Variants in TNFRSF1B observed in about 807,000 individuals in gnomAD.
The protein encoded by TNFRSF1B is TNF receptor superfamily member 1B.
Under a neutral mutation model 44.6 loss-of-function variants are expected in TNFRSF1B, and 19 were observed. The ratio of observed to expected loss-of-function variants is 0.43; its 90% confidence interval spans 0.30 to 0.62. The LOEUF is 0.62. Ranked by LOEUF, TNFRSF1B falls within the 20% of genes least tolerant of loss-of-function variation. The probability of loss-of-function intolerance (pLI) is 0.16; values close to 1 mark genes in which losing one functional copy is unlikely to be tolerated. For missense variants in TNFRSF1B, 541 were observed against 619.9 expected, an observed-to-expected ratio of 0.87 and a Z score of 1.35; for synonymous variants, 252 against 261.1, an observed-to-expected ratio of 0.97 and a Z score of 0.34.
rs1329942004 is a variant in TNFRSF1B, at chr1:12,199,035, C to T, written c.901-2932C>T. Among the ~76,000 whole-genome samples, 1 of 152,140 alleles carries T rather than the reference C, an allele frequency of 6.6e-6. No homozygotes were observed. Among genetic ancestry groups the T allele is most frequent in the Non-Finnish European group, 1.5e-5 (1 of 68,032 alleles). ...GAATGAGGCTCCTCAGTACTCGGCT[C>T]TACTGGGGTCCCAGCCCAAGGAATA... On this transcript the variant is annotated intron_variant, in intron 8 of 9. Transcript: ENST00000376259. The surrounding 1 kb of genome is among the most constrained non-coding windows in gnomAD (Gnocchi z 4.0).
intron 4 of TNFRSF1B, among the ~76,000 whole-genome samples, 190 bp downstream of exon 4, chr1:12,192,113 G>C (rs1490565605): frequency 6.6e-6 from 1 of 152,190 alleles, no homozygotes; most frequent in East Asian, 1.9e-4. Flanking sequence ...CTCCCGATTA[G>C]GCACCTCTTA....
chr1:12,183,516 A>C (rs1638857720), intron 1 of TNFRSF1B, among the ~76,000 whole-genome samples: 1 of 150,870 alleles, frequency 6.6e-6, no homozygotes. Flanking sequence ...TCTATCATCC[A>C]TCTATTTATC....
chr1:12,190,730 G>A (rs547750995), intron 2 of TNFRSF1B, among the ~76,000 whole-genome samples: 1 of 152,190 alleles, frequency 6.6e-6, no homozygotes, highest in African/African-American at 2.4e-5. Flanking sequence ...GGAGGTTCAA[G>A]CATCTGGAAA....
chr1:12,186,046 G>T lies in TNFRSF1B; in HGVS notation c.79-2750G>T, dbSNP rs1194880044. 1.3e-5 allele frequency among the ~76,000 whole-genome samples: 2 copies of T among 152,202 alleles called. No homozygotes were observed. Among genetic ancestry groups the T allele is most frequent in the Admixed American group, 1.3e-4 (2 of 15,288 alleles). ...TGGAATTTGTTACAGGAAGCACCAG[G>T]CCATTCCAGGCATAGAAATCAGCTG... On this transcript the variant is annotated intron_variant, in intron 1 of 9. Transcript: ENST00000376259. The surrounding 1 kb of genome is among the most constrained non-coding windows in gnomAD (Gnocchi z 4.8).
Position 12,194,108 on chromosome 1 carries a change from T to C in TNFRSF1B, c.865+76T>C, listed in dbSNP as rs2101112000. 4 of 1,207,554 alleles carry C rather than the reference T, an allele frequency of 3.3e-6. No homozygotes were observed. The South Asian group carries it at 3.7e-5, about 11-fold the overall frequency. The allele number at this position is 1,207,554 out of a possible 1,614,324, so 74.8% of individuals were successfully genotyped here. ...GGGGTGCCTCCTGTGAGTCCAGCAC[T>C]GGGCACAGCCTTAGGGGTCAGACAG... On this transcript the variant is annotated intron_variant, in intron 7 of 9. Transcript: ENST00000376259.
intron 1 of TNFRSF1B, among the ~76,000 whole-genome samples, chr1:12,174,251 C>T (rs1299577862): frequency 1.4e-5 from 2 of 145,132 alleles, no homozygotes; most frequent in African/African-American, 2.7e-5. Context: ...TCTCCTTCTC[C>T]TTCTCCTTCT....
At chr1:12,172,459 T>A (rs11809661) in intron 1 of TNFRSF1B, among the ~76,000 whole-genome samples, 2,561 of 152,346 alleles carry the variant, frequency 0.017, 55 homozygotes, top group African/African-American at 0.057. Context: ...TGGCAGCTAT[T>A]TGAGCCATTG....
chr1:12,181,399 T>C (rs1182670880), intron 1 of TNFRSF1B, among the ~76,000 whole-genome samples: 2 of 152,010 alleles, frequency 1.3e-5, no homozygotes, highest in Non-Finnish European at 2.9e-5. Context: ...TGAACCCAAG[T>C]GAGGACCTCC....
In TNFRSF1B at chr1:12,173,247, C is replaced by T. The variant is rs5745961; in HGVS notation, c.78+6078C>T. Among the ~76,000 whole-genome samples the T allele has an allele frequency of 5.7e-3, 872 of 152,224 alleles. 4 individuals are homozygous for T. Among genetic ancestry groups the T allele is most frequent in the Non-Finnish European group, 9.9e-3 (675 of 68,008 alleles). ...CTTTCCTAGAATATTGGGGAAGTGTCGGCTTTGAGTATACTTGACAAAGGC... is the reference window on the plus strand; with the variant it reads ...CTTTCCTAGAATATTGGGGAAGTGTTGGCTTTGAGTATACTTGACAAAGGC... On this transcript the variant is annotated intron_variant, in intron 1 of 9. Coordinates refer to ENST00000376259, the MANE Select transcript of TNFRSF1B (RefSeq NM_001066.3).
At position 12,177,085 on chromosome 1, in the gene TNFRSF1B, C is replaced by G. The variant is rs569497023; in HGVS notation, c.78+9916C>G. ...TGGTGTGATCTTGGCTCACTGCAAC[C>G]TCTGCCTTCTGAGTTCAAGCGATTC... On this transcript the variant is annotated intron_variant, in intron 1 of 9. Transcript: ENST00000376259. This position sits in a 1 kb window ranked among gnomAD's most constrained non-coding sequence, Gnocchi z 4.3. Among the ~76,000 whole-genome samples, 4 of 152,160 alleles carry G rather than the reference C, an allele frequency of 2.6e-5. No individual in the cohort carries two copies. The highest frequency in any genetic ancestry group is 9.7e-5 in the African/African-American group (4 of 41,424).
chr1:12,171,766 G>A lies in TNFRSF1B; in HGVS notation c.78+4597G>A, dbSNP rs776994158. Among the ~76,000 whole-genome samples the A allele has an allele frequency of 3.7e-4, 57 of 152,210 alleles. No individual in the cohort carries two copies. Among genetic ancestry groups the A allele is most frequent in the African/African-American group, 8.7e-4 (36 of 41,524 alleles). On this transcript the variant is annotated intron_variant, in intron 1 of 9. Transcript: ENST00000376259. This position sits in a 1 kb window ranked among gnomAD's most constrained non-coding sequence, Gnocchi z 4.5. The stretch of plus-strand genomic sequence containing the variant: ...GATGGCAGTAGCGCCACCCTCCCTC[G>A]TGACAAAAATATCTCCAGATATTGC...
intron 4 of TNFRSF1B, 180 bp from the exon 5 acceptor site, chr1:12,192,251 T>C: frequency 4.2e-6 from 3 of 711,994 alleles, no homozygotes; most frequent in Non-Finnish European, 2.5e-6. Flanking sequence ...CAGGAATCTG[T>C]GTGTGTGCAT....
chr1:12,192,743 C>G (rs1184470326), intron 5 of TNFRSF1B, 120 bp from the exon 6 acceptor site: 4 of 959,436 alleles, frequency 4.2e-6, no homozygotes, highest in Non-Finnish European at 6.3e-6. Flanking sequence ...AGGGGGTGGT[C>G]CTCAGAGAGG....
chr1:12,168,176 G>C lies in TNFRSF1B; in HGVS notation c.78+1007G>C, dbSNP rs5745957. On this transcript the variant is annotated intron_variant, in intron 1 of 9. Transcript: ENST00000376259. This position sits in a 1 kb window ranked among gnomAD's most constrained non-coding sequence, Gnocchi z 4.7. ...TTCGGCCCCTGTGCCCTGAGGCTGC[G>C]GGGAAGGTGGGCGTTCATCCTTCCT... Among the ~76,000 whole-genome samples the C allele has an allele frequency of 6.6e-6, 1 of 152,232 alleles. No individual in the cohort carries two copies. The highest frequency in any genetic ancestry group is 2.4e-5 in the African/African-American group (1 of 41,460).
At chr1:12,202,837 C>G (rs1430143844) in intron 9 of TNFRSF1B, among the ~76,000 whole-genome samples, 1 of 152,210 alleles carries the variant, frequency 6.6e-6, no homozygotes, top group Non-Finnish European at 1.5e-5. Context: ...AACAGAAGAG[C>G]CAGACTCACC....
At chr1:12,197,012 C>G (rs1358197422) in intron 8 of TNFRSF1B, among the ~76,000 whole-genome samples, 1 of 151,528 alleles carries the variant, frequency 6.6e-6, no homozygotes, top group Non-Finnish European at 1.5e-5. Context: ...CAGTGGCGCC[C>G]TCTTGGCTCA....
chr1:12,167,700 GGT>G (rs1262814821), intron 1 of TNFRSF1B, among the ~76,000 whole-genome samples: 4 of 152,240 alleles, frequency 2.6e-5, no homozygotes, highest in South Asian at 2.1e-4. Context: ...AGCAGGACCA[GGT>G]GTGTGTCAGG....
chr1:12,190,458 CAA>C (rs4044499), intron 2 of TNFRSF1B, among the ~76,000 whole-genome samples: 11 of 61,528 alleles, frequency 1.8e-4, no homozygotes, highest in African/African-American at 4.9e-4. Context: ...GATTCTGTCT[CAA>C]AAAAAAAAAA....
chr1:12,191,054 G>A lies in TNFRSF1B; in HGVS notation c.276G>A (p.Glu92=). Residue 92 remains glutamate (E), a synonymous_variant, in exon 3 of 10, where the codon GAG becomes GAA. Coordinates refer to ENST00000376259, the MANE Select transcript of TNFRSF1B (RefSeq NM_001066.3). ...TYTQLWNWVP[E]CLSCGSRCSS... Reference sequence around the variant, plus strand: ...CCCAGCTCTGGAACTGGGTTCCCGAGTGCTTGAGCTGTGGCTCCCGCTGTA... The same window carrying A: ...CCCAGCTCTGGAACTGGGTTCCCGAATGCTTGAGCTGTGGCTCCCGCTGTA... The A allele has an allele frequency of 1.2e-6, 2 of 1,614,202 alleles. No homozygotes were observed. The highest frequency in any genetic ancestry group is 1.7e-6 in the Non-Finnish European group (2 of 1,180,014).
Sources: allele counts gnomAD v4.1 joint callset (sites outside exome capture counted in the v4.1 genomes callset), GRCh38; gene constraint gnomAD v4.1.1; non-coding constraint Gnocchi (gnomAD v3.1); transcripts MANE v1.5; gene names NCBI Gene and HGNC (gene_info 2026-07-23, HGNC 2026-07-21).